The following B3GALNT2 variants were observed in gnomAD, a reference collection of about 807,000 sequenced individuals.
B3GALNT2 encodes UDP-GalNAc:beta-1,3-N-acetylgalactosaminyltransferase 2.
In B3GALNT2, 53 loss-of-function variants were observed where a neutral mutation model predicts 61.1. The observed-to-expected ratio is 0.87, with a 90% CI of 0.70 to 1.09. The LOEUF is 1.09. B3GALNT2 is among the 50% of genes least tolerant of loss of function. The pLI is 0.00. For missense variants in B3GALNT2, 544 were observed against 623.0 expected (o/e 0.87, Z 1.35); for synonymous variants, 223 against 237.4 (o/e 0.94, Z 0.56).
In B3GALNT2 at chr1:235,448,028, G is replaced by A. The variant is rs1156718463; in HGVS notation, c.*2178C>T. On this transcript the variant is annotated 3_prime_UTR_variant, in exon 12 of 12. Transcript: ENST00000366600. ...GTTCAAGACCAGCCTGGCCAACATGGTGAAACCCCGTCTCTACTAAAAATA... is the reference window on the plus strand; with the variant it reads ...GTTCAAGACCAGCCTGGCCAACATGATGAAACCCCGTCTCTACTAAAAATA... 1.3e-5 allele frequency among the ~76,000 whole-genome samples: 2 copies of A among 152,072 alleles called. No homozygotes were observed. Among genetic ancestry groups the A allele is most frequent in the Non-Finnish European group, 2.9e-5 (2 of 68,010 alleles).
chr1:235,481,179 G>A (rs923155555), intron 4 of B3GALNT2, among the ~76,000 whole-genome samples: 1 of 151,998 alleles, frequency 6.6e-6, no homozygotes, highest in African/African-American at 2.4e-5. Context: ...TTTTTGCATC[G>A]TGACTACCCA....
At chr1:235,454,700 A>G (rs964518608) in intron 9 of B3GALNT2, among the ~76,000 whole-genome samples, 1 of 152,100 alleles carries the variant, frequency 6.6e-6, no homozygotes, top group Non-Finnish European at 1.5e-5. Context: ...TCAGCCTCCC[A>G]AAGTGCTGGG....
At chr1:235,487,523 A>T (rs985764550) in intron 3 of B3GALNT2, among the ~76,000 whole-genome samples, 2 of 152,200 alleles carry the variant, frequency 1.3e-5, no homozygotes, top group African/African-American at 4.8e-5. Context: ...GAGGTCACAC[A>T]GCTAGAAAAT....
chr1:235,484,611 T>C (rs1572539425), intron 3 of B3GALNT2, 96 bp from the exon 4 acceptor site: 2 of 1,420,732 alleles, frequency 1.4e-6, no homozygotes, highest in African/African-American at 2.9e-5. Flanking sequence ...AAAACCTAGG[T>C]AATCATTTGC....
intron 1 of B3GALNT2, among the ~76,000 whole-genome samples, chr1:235,495,537 TAAAAAA>T (rs202001422): frequency 6.8e-6 from 1 of 147,064 alleles, no homozygotes. Context: ...ACACTTTTAG[TAAAAAA>T]AAAAAAAAAT....
intron 1 of B3GALNT2, among the ~76,000 whole-genome samples, chr1:235,501,607 C>T (rs920342081): frequency 6.6e-6 from 1 of 152,126 alleles, no homozygotes; most frequent in African/African-American, 2.4e-5. Flanking sequence ...ACGATAGGAG[C>T]TGGCACAGAG....
chr1:235,494,606 A>G, intron 2 of B3GALNT2, 75 bp downstream of exon 2: 1 of 1,477,112 alleles, frequency 6.8e-7, no homozygotes, highest in Non-Finnish European at 9.3e-7. Context: ...ACGGGCACAC[A>G]CCACCACGCC....
At chr1:235,471,366 T>C (rs1684000619) in intron 5 of B3GALNT2, among the ~76,000 whole-genome samples, 1 of 152,214 alleles carries the variant, frequency 6.6e-6, no homozygotes, top group Non-Finnish European at 1.5e-5. Flanking sequence ...AAATATCTAC[T>C]AAGTATCTAC....
chr1:235,474,975 ATATATATATATATTTTTTT>A (rs1454982504), intron 5 of B3GALNT2, among the ~76,000 whole-genome samples: 37 of 28,146 alleles, frequency 1.3e-3, no homozygotes, highest in African/African-American at 4.9e-3. Context: ...ATATATATAT[ATATATATATATATTTTTTT>A]TTTTTTTTTT....
rs564502886 is a variant in B3GALNT2 at position 235,481,913 on chromosome 1, C to T, written c.556-1764G>A. 2.7e-3 allele frequency among the ~76,000 whole-genome samples: 415 copies of T among 152,220 alleles called. 2 individuals are homozygous for T. Among genetic ancestry groups the T allele is most frequent in the African/African-American group, 9.4e-3 (392 of 41,518 alleles). ...TGTCTTATATTTATGTCTATAAACA[C>T]ATCAACAAACGAGACAGATTATTTA... On this transcript the variant is annotated intron_variant, in intron 4 of 11. Transcript: ENST00000366600.
chr1:235,448,266 A>T lies in B3GALNT2; in HGVS notation c.*1940T>A. 2 of 958,492 alleles carry T rather than the reference A, an allele frequency of 2.1e-6. No homozygotes were observed. The highest frequency in any genetic ancestry group is 3.2e-5 in the African/African-American group (2 of 62,142). The allele number at this position is 958,492 out of a possible 1,614,324, so 59.4% of individuals were successfully genotyped here. On this transcript the variant is annotated 3_prime_UTR_variant, in exon 12 of 12. Transcript: ENST00000366600. ...GACAGATACAGCTATCATTGCAATGATACTGTGGTCTCATCACATGAGCTA... is the reference window on the plus strand; with the variant it reads ...GACAGATACAGCTATCATTGCAATGTTACTGTGGTCTCATCACATGAGCTA...
intron 7 of B3GALNT2, among the ~76,000 whole-genome samples, chr1:235,461,519 T>G (rs982900530): frequency 8.9e-5 from 12 of 135,272 alleles, no homozygotes; most frequent in Non-Finnish European, 1.6e-4. Flanking sequence ...TTTTTTTTTT[T>G]TTTTTTTTTT....
chr1:235,464,140 AAAAC>A (rs953727760), intron 7 of B3GALNT2: 48 of 152,364 alleles, frequency 3.2e-4, no homozygotes, highest in African/African-American at 1.1e-3. Flanking sequence ...TTGGAACTGT[AAAAC>A]AAAGGCACAA....
At chr1:235,455,486 A>G (rs1169512728) in intron 9 of B3GALNT2, 73 bp downstream of exon 9, 6 of 1,486,938 alleles carry the variant, frequency 4.0e-6, no homozygotes, top group Non-Finnish European at 4.6e-6. Context: ...CAAAAAAAAA[A>G]GATATTTTAT....
In B3GALNT2 at chr1:235,450,151, A is replaced by T; in HGVS notation, c.*55T>A. The stretch of plus-strand genomic sequence containing the variant: ...AAACCCTGGGACTCCTCAGACTTGC[A>T]CTCAGATTATCGTTTGCCTGCCCTG... On this transcript the variant is annotated 3_prime_UTR_variant, in exon 12 of 12. Transcript: ENST00000366600. The T allele has an allele frequency of 6.2e-7, 1 of 1,602,180 alleles. No homozygotes were observed. The highest frequency in any genetic ancestry group is 1.3e-5 in the African/African-American group (1 of 74,772).
chr1:235,467,233 C>A (rs1683738633), intron 6 of B3GALNT2, among the ~76,000 whole-genome samples: 1 of 152,052 alleles, frequency 6.6e-6, no homozygotes, highest in African/African-American at 2.4e-5. Flanking sequence ...CCTATAATCC[C>A]AGCTACTCTG....
chr1:235,458,499 A>G, intron 8 of B3GALNT2, 104 bp downstream of exon 8: 1 of 1,419,136 alleles, frequency 7.0e-7, no homozygotes. Flanking sequence ...AGCCTAGGAA[A>G]CCCCTAGTAA....
intron 5 of B3GALNT2, among the ~76,000 whole-genome samples, chr1:235,476,752 G>C (rs1684302438): frequency 6.6e-6 from 1 of 150,588 alleles, no homozygotes; most frequent in Non-Finnish European, 1.5e-5. Flanking sequence ...TGAGAGGCTG[G>C]GGCAGGAGAA....
In B3GALNT2 at chr1:235,496,390, G is replaced by A. The variant is rs950041167; in HGVS notation, c.113-1562C>T. The A allele has an allele frequency of 2.0e-5, 17 of 833,776 alleles. No individual in the cohort carries two copies. The South Asian group carries it at 3.1e-4, about 15-fold the overall frequency. 51.6% of individuals were successfully genotyped at this position (833,776 alleles called of 1,614,324 possible). On this transcript the variant is annotated intron_variant, in intron 1 of 11. Coordinates refer to ENST00000366600, the MANE Select transcript of B3GALNT2 (RefSeq NM_152490.5). Reference sequence around the variant, plus strand: ...TCTACAATGAGTCATGTACTAAAACGAATTCTTTTATAAAGACAATTTATT... The same window carrying A: ...TCTACAATGAGTCATGTACTAAAACAAATTCTTTTATAAAGACAATTTATT...
Sources: allele counts gnomAD v4.1 joint callset (sites outside exome capture counted in the v4.1 genomes callset), GRCh38; gene constraint gnomAD v4.1.1; transcripts MANE v1.5; gene names NCBI Gene and HGNC (gene_info 2026-07-23, HGNC 2026-07-21).